PUM1: variants seen among roughly 807,000 people sequenced by gnomAD.
PUM1 encodes the protein pumilio RNA binding family member 1.
In PUM1, 13 loss-of-function variants were observed where a neutral mutation model predicts 131.8. The ratio of observed to expected loss-of-function variants is 0.10; its 90% CI spans 0.06 to 0.16. The LOEUF (loss-of-function observed/expected upper bound fraction) is 0.16. PUM1 is among the 10% of genes least tolerant of loss of function. PUM1 has a pLI of 1.00. For missense variants in PUM1, 961 were observed against 1,512.4 expected (o/e 0.64, Z 6.05); for synonymous variants, 509 against 556.5 (o/e 0.91, Z 1.20).
chr1:30,941,534 T>C (rs1639437949), intron 19 of PUM1, among the ~76,000 whole-genome samples: 1 of 152,220 alleles, frequency 6.6e-6, no homozygotes, highest in Non-Finnish European at 1.5e-5. Context: ...AATATTCATT[T>C]TTCTCAAACA....
intron 17 of PUM1, among the ~76,000 whole-genome samples, chr1:30,946,999 A>G (rs1639704034): frequency 6.6e-6 from 1 of 152,246 alleles, no homozygotes; most frequent in Admixed American, 6.5e-5. Flanking sequence ...TAATGATACT[A>G]ATTAAGCTAG....
intron 2 of PUM1, among the ~76,000 whole-genome samples, chr1:31,034,048 T>C (rs1444807465): frequency 6.6e-6 from 1 of 152,244 alleles, no homozygotes; most frequent in Non-Finnish European, 1.5e-5. Context: ...TTATCCATTT[T>C]TCAAGCAGGT....
rs979158820 is a variant in PUM1 at position 31,041,863 on chromosome 1, CT to C, written c.364-13000del. On this transcript the variant is annotated intron_variant, in intron 2 of 21. Transcript: ENST00000426105. ...TAGCAACACAAAATGGACTAACATA[CT>C]TTTTTTAAAAAAAAATGAGAAAGAT... Among the ~76,000 whole-genome samples, 96 of 151,938 alleles carry C rather than the reference CT, an allele frequency of 6.3e-4. 2 individuals are homozygous for C. The highest frequency in any genetic ancestry group is 8.2e-4 in the Non-Finnish European group (56 of 67,986).
intron 2 of PUM1, among the ~76,000 whole-genome samples, chr1:31,045,674 A>T (rs1302974381): frequency 6.6e-6 from 1 of 152,150 alleles, no homozygotes; most frequent in Non-Finnish European, 1.5e-5. Context: ...TCCTGATGAG[A>T]CTCATAAAAA....
At chr1:31,027,473 T>C (rs1643267388) in intron 3 of PUM1, among the ~76,000 whole-genome samples, 2 of 152,214 alleles carry the variant, frequency 1.3e-5, no homozygotes, top group Non-Finnish European at 2.9e-5. Context: ...TTCTAAACCA[T>C]ACAGGGTTTA....
intron 5 of PUM1, among the ~76,000 whole-genome samples, chr1:30,996,547 G>T (rs1641986094): frequency 1.3e-5 from 2 of 152,168 alleles, no homozygotes; most frequent in African/African-American, 4.8e-5. Flanking sequence ...ATGTGATACA[G>T]AAAAAGATAA....
chr1:30,965,765 C>G (rs1206146722), intron 13 of PUM1, among the ~76,000 whole-genome samples: 4 of 152,122 alleles, frequency 2.6e-5, no homozygotes, highest in Non-Finnish European at 5.9e-5. Flanking sequence ...CTGAAAGAAA[C>G]TGATTAAGTA....
chr1:30,941,332 T>G (rs1157136249), intron 19 of PUM1, 60 bp from the exon 20 acceptor site: 2 of 1,528,454 alleles, frequency 1.3e-6, no homozygotes, highest in African/African-American at 1.4e-5. Flanking sequence ...GCAGGTTACT[T>G]AAGTCCTTAT....
At chr1:31,032,093 T>C (rs1643451152) in intron 2 of PUM1, among the ~76,000 whole-genome samples, 1 of 152,216 alleles carries the variant, frequency 6.6e-6, no homozygotes, top group African/African-American at 2.4e-5. Flanking sequence ...GTTTTGCTAG[T>C]GCAGAAACTA....
chr1:30,989,571 CAAAA>C (rs1174565063), intron 7 of PUM1, among the ~76,000 whole-genome samples: 9 of 27,696 alleles, frequency 3.2e-4, no homozygotes, highest in Admixed American at 9.8e-4. Context: ...GACTCCGTCT[CAAAA>C]AAAAAAAAAA....
intron 2 of PUM1, among the ~76,000 whole-genome samples, chr1:31,029,394 C>G (rs963743179): frequency 2.6e-5 from 4 of 152,210 alleles, no homozygotes; most frequent in Admixed American, 6.5e-5. Flanking sequence ...TCCCTGGGGG[C>G]TCCCCAAACC....
chr1:31,014,909 C>G (rs1460377198), intron 3 of PUM1, among the ~76,000 whole-genome samples: 1 of 152,098 alleles, frequency 6.6e-6, no homozygotes, highest in Admixed American at 6.5e-5. Context: ...AGAAGGATCA[C>G]TTGAGGCCAG....
At chr1:31,003,340 A>G (rs926654694) in intron 5 of PUM1, among the ~76,000 whole-genome samples, 3 of 152,200 alleles carry the variant, frequency 2.0e-5, no homozygotes, top group African/African-American at 7.2e-5. Context: ...TATGCATACT[A>G]TGACAAAAAT....
At position 31,027,620 on chromosome 1, in the gene PUM1, C is replaced by T. The variant is rs1308148768; in HGVS notation, c.432+1176G>A. On this transcript the variant is annotated intron_variant, in intron 3 of 21. Coordinates refer to ENST00000426105, the MANE Select transcript of PUM1 (RefSeq NM_001020658.2). The stretch of plus-strand genomic sequence containing the variant: ...GATGATAGGACACTGGACTCTGTGG[C>T]CACAAGAAGATTCAGAAAGTTGGAA... 2.0e-5 allele frequency among the ~76,000 whole-genome samples: 3 copies of T among 152,082 alleles called. No individual in the cohort carries two copies. In the East Asian group the frequency reaches 5.8e-4, roughly 29 times the overall value.
At chr1:31,009,772 A>AGAAAAAAAAC (rs1642531328) in intron 3 of PUM1, among the ~76,000 whole-genome samples, 1 of 62,924 alleles carries the variant, frequency 1.6e-5, no homozygotes, top group Admixed American at 2.0e-4. Flanking sequence ...TGTCTCAAAA[A>AGAAAAAAAAC]AAAAAAAAAA....
At chr1:30,997,571 C>T (rs554413895) in intron 5 of PUM1, among the ~76,000 whole-genome samples, 3 of 149,932 alleles carry the variant, frequency 2.0e-5, no homozygotes, top group Non-Finnish European at 4.4e-5. Context: ...ACAAGCAAGA[C>T]AGCTGGTTGC....
At chr1:31,026,721 T>A (rs1027646679) in intron 3 of PUM1, among the ~76,000 whole-genome samples, 1 of 152,196 alleles carries the variant, frequency 6.6e-6, no homozygotes, top group African/African-American at 2.4e-5. Flanking sequence ...TCTCTTGGCC[T>A]TTTTCCTTAT....
At chr1:31,049,819 CTTCCTT>C (rs1452338281) in intron 2 of PUM1, among the ~76,000 whole-genome samples, 4 of 137,426 alleles carry the variant, frequency 2.9e-5, no homozygotes, top group Non-Finnish European at 6.1e-5. Context: ...TCTGACTGAA[CTTCCTT>C]TTTTTTTTTT....
intron 7 of PUM1, among the ~76,000 whole-genome samples, chr1:30,991,083 G>A (rs961531622): frequency 3.3e-5 from 5 of 150,774 alleles, no homozygotes; most frequent in African/African-American, 9.8e-5. Context: ...AAAAAAAAGA[G>A]AGAACCATAT....
Sources: allele counts gnomAD v4.1 joint callset (sites outside exome capture counted in the v4.1 genomes callset), GRCh38; gene constraint gnomAD v4.1.1; transcripts MANE v1.5; gene names NCBI Gene and HGNC (gene_info 2026-07-23, HGNC 2026-07-21).